Variants in ACVR2A observed in about 807,000 individuals in gnomAD.
The protein encoded by ACVR2A is activin A receptor type 2A.
In ACVR2A, 7 loss-of-function variants were observed where a neutral mutation model predicts 61.4. That is an observed-to-expected ratio of 0.11 (90% CI 0.06 to 0.21). The LOEUF is 0.21. ACVR2A is among the 10% of genes least tolerant of loss of function. ACVR2A has a pLI of 1.00. For synonymous variants in ACVR2A, 193 were observed against 208.3 expected, an observed-to-expected ratio of 0.93 and a Z score of 0.63; for missense variants, 322 against 621.7, an observed-to-expected ratio of 0.52 and a Z score of 5.13.
At chr2:147,875,093 T>C (rs995430634) in intron 1 of ACVR2A, among the ~76,000 whole-genome samples, 39 of 152,166 alleles carry the variant, frequency 2.6e-4, no homozygotes, top group African/African-American at 9.1e-4. Context: ...ACCAGATGGA[T>C]ATATAATTTG....
At chr2:147,879,508 A>AGTCCATTT (rs1686242760) in intron 1 of ACVR2A, among the ~76,000 whole-genome samples, 1 of 152,118 alleles carries the variant, frequency 6.6e-6, no homozygotes, top group Non-Finnish European at 1.5e-5. Context: ...CTCAATGTTT[A>AGTCCATTT]AGTCCACTCC....
intron 4 of ACVR2A, among the ~76,000 whole-genome samples, chr2:147,910,224 T>C (rs538622237): frequency 2.9e-4 from 44 of 152,266 alleles, no homozygotes; most frequent in Non-Finnish European, 5.0e-4. Context: ...TCTTGGGAAA[T>C]GTATTGGGCA....
intron 1 of ACVR2A, among the ~76,000 whole-genome samples, chr2:147,867,413 C>T (rs1286636495): frequency 6.6e-6 from 1 of 152,122 alleles, no homozygotes; most frequent in Non-Finnish European, 1.5e-5. Context: ...CCATCTTCAA[C>T]GTGTTCTTCA....
chr2:147,850,053 G>T (rs1685407146), intron 1 of ACVR2A, among the ~76,000 whole-genome samples: 1 of 152,126 alleles, frequency 6.6e-6, no homozygotes, highest in Admixed American at 6.5e-5. Flanking sequence ...TATAGGTAAG[G>T]TTGGCAACAT....
chr2:147,854,179 T>C (rs1013731665), intron 1 of ACVR2A, among the ~76,000 whole-genome samples: 2 of 152,184 alleles, frequency 1.3e-5, no homozygotes, highest in African/African-American at 4.8e-5. Context: ...AAAGAACATA[T>C]CATTATAGAG....
intron 1 of ACVR2A, among the ~76,000 whole-genome samples, chr2:147,854,889 CT>C (rs965419702): frequency 5.4e-5 from 8 of 148,942 alleles, no homozygotes; most frequent in African/African-American, 9.8e-5. Context: ...CTGCCTATTT[CT>C]TTTTTTTTTG....
At chr2:147,861,989 C>T (rs1455699909) in intron 1 of ACVR2A, among the ~76,000 whole-genome samples, 2 of 152,104 alleles carry the variant, frequency 1.3e-5, no homozygotes, top group Non-Finnish European at 2.9e-5. Context: ...TTTGTTTTAA[C>T]TCAAACCCTG....
intron 4 of ACVR2A, among the ~76,000 whole-genome samples, chr2:147,905,092 A>T (rs1310025989): frequency 6.6e-6 from 1 of 152,102 alleles, no homozygotes; most frequent in Non-Finnish European, 1.5e-5. Flanking sequence ...GACGTATGAA[A>T]AAATAGAATC....
chr2:147,874,035 G>T (rs1431020370), intron 1 of ACVR2A, among the ~76,000 whole-genome samples: 1 of 151,878 alleles, frequency 6.6e-6, no homozygotes, highest in Non-Finnish European at 1.5e-5. Context: ...ATTGATTTTT[G>T]TAAAGTAAGA....
chr2:147,855,578 C>T (rs1268822055), intron 1 of ACVR2A, among the ~76,000 whole-genome samples: 1 of 152,174 alleles, frequency 6.6e-6, no homozygotes, highest in South Asian at 2.1e-4. Flanking sequence ...TCTCCTAGAT[C>T]CCTTCCAGCT....
chr2:147,866,475 T>G (rs1482714387), intron 1 of ACVR2A, among the ~76,000 whole-genome samples: 1 of 152,066 alleles, frequency 6.6e-6, no homozygotes, highest in Non-Finnish European at 1.5e-5. Context: ...AAGAAAGAGA[T>G]TAAAGGAGCC....
Position 147,928,639 on chromosome 2 carries a change from C to G in ACVR2A, c.*1365C>G. 6.6e-6 allele frequency: 1 copy of G among 152,186 alleles called. No homozygotes were observed. The highest frequency in any genetic ancestry group is 2.1e-4 in the South Asian group (1 of 4,818). 9.4% of individuals were successfully genotyped at this position (152,186 alleles called of 1,614,324 possible). A position where few individuals can be genotyped will look rare whatever the true frequency, so the allele number is the denominator to read the frequency against. ...GTTGATATAGGTAGCATAGCCTAGC[C>G]TCCTCCCCAAAATTGCTTTTACAAC... is the stretch of plus-strand genomic sequence containing the variant. On this transcript the variant is annotated 3_prime_UTR_variant, in exon 11 of 11. Transcript: ENST00000241416.
chr2:147,847,471 C>T (rs1430507436), intron 1 of ACVR2A, among the ~76,000 whole-genome samples: 1 of 152,084 alleles, frequency 6.6e-6, no homozygotes, highest in African/African-American at 2.4e-5. Flanking sequence ...TAAAAATTCT[C>T]AGGTTGTCAG....
chr2:147,874,141 C>T (rs1350122833), intron 1 of ACVR2A, among the ~76,000 whole-genome samples: 3 of 151,820 alleles, frequency 2.0e-5, no homozygotes, highest in Non-Finnish European at 2.9e-5. Context: ...AAGATAGGAC[C>T]TAGTGATAGG....
intron 4 of ACVR2A, among the ~76,000 whole-genome samples, chr2:147,906,861 T>C (rs1000229483): frequency 1.4e-5 from 2 of 147,388 alleles, no homozygotes; most frequent in Admixed American, 6.9e-5. Flanking sequence ...CTGGGATACA[T>C]GTGCAGAACA....
Position 147,889,382 on chromosome 2 carries a change from CAT to C in ACVR2A, c.56-6918_56-6917del, listed in dbSNP as rs555116569. On this transcript the variant is annotated intron_variant, in intron 1 of 10. Coordinates refer to ENST00000241416, the MANE Select transcript of ACVR2A (RefSeq NM_001616.5). ...ATAAAATTGGTGTTGATATATTAAT[CAT>C]GTTTTTAAAAAACAAAACTTGAATT... Among the ~76,000 whole-genome samples, 87 of 152,154 alleles carry C rather than the reference CAT, an allele frequency of 5.7e-4. 1 individual carries two copies. In the East Asian group the frequency reaches 0.016, roughly 28 times the overall value.
At chr2:147,893,356 T>G (rs1367027361) in intron 1 of ACVR2A, among the ~76,000 whole-genome samples, 1 of 152,230 alleles carries the variant, frequency 6.6e-6, no homozygotes, top group Non-Finnish European at 1.5e-5. Context: ...CTACAGATTT[T>G]TACATGGACT....
intron 8 of ACVR2A, among the ~76,000 whole-genome samples, chr2:147,922,561 T>G (rs957317733): frequency 6.6e-6 from 1 of 152,166 alleles, no homozygotes; most frequent in Non-Finnish European, 1.5e-5. Flanking sequence ...ATAGAACTTT[T>G]TAACATCAGT....
chr2:147,860,368 G>A (rs1685699494), intron 1 of ACVR2A, among the ~76,000 whole-genome samples: 1 of 152,028 alleles, frequency 6.6e-6, no homozygotes, highest in South Asian at 2.1e-4. Context: ...GTGGGTGTAG[G>A]TAAAACAGGG....
Sources: gnomAD v4.1 joint callset for allele counts (sites outside exome capture counted in the v4.1 genomes callset) on GRCh38, gnomAD v4.1.1 for gene constraint, MANE v1.5 for transcripts, NCBI Gene and HGNC (gene_info 2026-07-23, HGNC 2026-07-21) for gene names.